The following FAM120B variants were observed in gnomAD, a reference collection of about 807,000 sequenced individuals.
FAM120B encodes the protein constitutive coactivator of peroxisome proliferator-activated receptor gamma.
Under a neutral mutation model 96.3 loss-of-function variants are expected in FAM120B, and 83 were observed. The observed-to-expected ratio is 0.86, with a 90% confidence interval of 0.72 to 1.03. FAM120B has a LOEUF of 1.03. FAM120B is among the 50% of genes least tolerant of loss of function. The pLI is 0.00. For missense variants in FAM120B, 1,027 were observed against 1,121.2 expected, an observed-to-expected ratio of 0.92 and a Z score of 1.20; for synonymous variants, 407 against 402.7, an observed-to-expected ratio of 1.01 and a Z score of -0.13.
intron 6 of FAM120B, among the ~76,000 whole-genome samples, chr6:170,385,674 G>A (rs1393196973): frequency 3.3e-5 from 5 of 152,180 alleles, no homozygotes; most frequent in African/African-American, 4.8e-5. Flanking sequence ...ACCACAACCT[G>A]TACATAGAAG....
chr6:170,324,062 A>G (rs148985106), intron 3 of FAM120B, among the ~76,000 whole-genome samples: 2 of 152,194 alleles, frequency 1.3e-5, no homozygotes, highest in Non-Finnish European at 2.9e-5. Context: ...GATAAGAGAG[A>G]GAAGGAGTAG....
intron 3 of FAM120B, among the ~76,000 whole-genome samples, chr6:170,325,791 A>G (rs1785551211): frequency 6.6e-6 from 1 of 151,698 alleles, no homozygotes; most frequent in Non-Finnish European, 1.5e-5. Flanking sequence ...CAGTGAGCCA[A>G]GGTCACACCA....
chr6:170,322,282 A>G (rs1408848445), intron 2 of FAM120B, among the ~76,000 whole-genome samples: 1 of 152,242 alleles, frequency 6.6e-6, no homozygotes, highest in Non-Finnish European at 1.5e-5. Flanking sequence ...TAAGCAGCTT[A>G]CAGTTTAATA....
At chr6:170,324,520 T>C (rs994613110) in intron 3 of FAM120B, among the ~76,000 whole-genome samples, 7 of 152,178 alleles carry the variant, frequency 4.6e-5, no homozygotes, top group African/African-American at 7.2e-5. Context: ...ACTCTAATGA[T>C]GGAAAAAAGA....
At position 170,318,024 on chromosome 6, in the gene FAM120B, T is replaced by C; in HGVS notation, c.634T>C (p.Cys212Arg). Residue 212 changes from cysteine to arginine, a missense_variant, in exon 2 of 11, where the codon TGT becomes CGT. By Grantham distance (180) the Cys-to-Arg change is radical. This residue lies in a region of FAM120B where 880 missense variants were observed against 980.9 expected (regional missense o/e 0.90). Coordinates refer to ENST00000476287, the MANE Select transcript of FAM120B (RefSeq NM_032448.3). ...DTVMLCREKL[C>R]ESLGLCVADL... ...CGTCATGCTCTGCAGAGAGAAGCTC[T>C]GTGAGAGTCTGGGCCTCTGTGTGGC... The C allele has an allele frequency of 6.2e-7, 1 of 1,614,078 alleles. No individual in the cohort carries two copies. Among genetic ancestry groups the C allele is most frequent in the Non-Finnish European group, 8.5e-7 (1 of 1,179,956 alleles).
intron 6 of FAM120B, among the ~76,000 whole-genome samples, chr6:170,379,067 TGGAAC>T (rs1339368197): frequency 2.6e-5 from 4 of 152,112 alleles, no homozygotes; most frequent in Admixed American, 6.5e-5. Flanking sequence ...GCTCAAGACA[TGGAAC>T]GAAGGAATGA....
chr6:170,336,314 C>T (rs1301247903), intron 4 of FAM120B, among the ~76,000 whole-genome samples: 1 of 152,102 alleles, frequency 6.6e-6, no homozygotes, highest in Non-Finnish European at 1.5e-5. Flanking sequence ...AATCTTTTCC[C>T]TGTTGCTTGT....
intron 4 of FAM120B, among the ~76,000 whole-genome samples, chr6:170,336,259 T>C (rs1030902741): frequency 1.3e-5 from 2 of 152,234 alleles, no homozygotes; most frequent in Non-Finnish European, 2.9e-5. Context: ...TTCTGTTTTC[T>C]GCTTATGGCT....
chr6:170,356,850 A>G (rs768087819), intron 5 of FAM120B, among the ~76,000 whole-genome samples: 2 of 152,194 alleles, frequency 1.3e-5, no homozygotes, highest in South Asian at 4.1e-4. Flanking sequence ...TCCTCTGGAA[A>G]GGTAAGTTTA....
chr6:170,295,448 AAGG>A lies in FAM120B; in HGVS notation c.47_48+1del, dbSNP rs1783974818. On this transcript the variant is annotated inframe_deletion and splice_region_variant, in exon 1 of 11. Transcript: ENST00000537664. This position sits in a 1 kb window ranked among gnomAD's most constrained non-coding sequence, Gnocchi z 7.8. Reference sequence around the variant, plus strand: ...CTCCACCAGCGCTGGCGCAGGCAGGAAGGAGGTGAGCGCCGCCCGCGTGCACAC... The same window carrying A: ...CTCCACCAGCGCTGGCGCAGGCAGGAAGGTGAGCGCCGCCCGCGTGCACAC... 1.4e-6 allele frequency: 1 copy of A among 701,562 alleles called. No homozygotes were observed. The highest frequency in any genetic ancestry group is 2.6e-6 in the Non-Finnish European group (1 of 384,498). 43.5% of individuals were successfully genotyped at this position (701,562 alleles called of 1,614,324 possible).
At position 170,348,332 on chromosome 6, in the gene FAM120B, C is replaced by T. The variant is rs1282900506; in HGVS notation, c.2190+9C>T. On this transcript the variant is annotated intron_variant, in intron 5 of 10. Coordinates refer to ENST00000476287, the MANE Select transcript of FAM120B (RefSeq NM_032448.3). ...TCTACCTCTTTGTCCAGGTAATGTC[C>T]AGCTGCCCGTTCTAGTCACTGCAGC... 6.2e-7 allele frequency: 1 copy of T among 1,611,700 alleles called. No individual in the cohort carries two copies. The highest frequency in any genetic ancestry group is 1.1e-5 in the South Asian group (1 of 90,966).
At chr6:170,340,568 G>T (rs1786752678) in intron 4 of FAM120B, among the ~76,000 whole-genome samples, 1 of 152,164 alleles carries the variant, frequency 6.6e-6, no homozygotes, top group South Asian at 2.1e-4. Context: ...TAGAGAAGAG[G>T]CATTCTGGTT....
upstream of FAM120B, among the ~76,000 whole-genome samples, chr6:170,305,726 G>C (rs1382035392): frequency 6.6e-6 from 1 of 152,172 alleles, no homozygotes; most frequent in South Asian, 2.1e-4. Flanking sequence ...TTTCAAGGTC[G>C]TCACTCACAC....
chr6:170,361,182 C>CTATATATATATATATA (rs564683415), intron 6 of FAM120B, among the ~76,000 whole-genome samples: 3 of 75,520 alleles, frequency 4.0e-5, no homozygotes, highest in Admixed American at 1.7e-4. Flanking sequence ...AGCCTTAAAA[C>CTATATATATATATATA]TATATATATA....
intron 9 of FAM120B, among the ~76,000 whole-genome samples, chr6:170,398,446 C>G (rs963284555): frequency 2.7e-4 from 41 of 150,824 alleles, no homozygotes; most frequent in Admixed American, 5.2e-4. Context: ...AAAGGTAGAA[C>G]TATGTCATAA....
chr6:170,390,021 A>G (rs1394763342), intron 7 of FAM120B, among the ~76,000 whole-genome samples: 1 of 152,254 alleles, frequency 6.6e-6, no homozygotes, highest in Non-Finnish European at 1.5e-5. Flanking sequence ...CTTAATAAAT[A>G]CAATCGCTAC....
At chr6:170,349,543 C>T (rs187732397) in intron 5 of FAM120B, among the ~76,000 whole-genome samples, 27 of 152,286 alleles carry the variant, frequency 1.8e-4, no homozygotes, top group Non-Finnish European at 2.8e-4. Context: ...TTAAGTAGTG[C>T]TTAGAGGATT....
chr6:170,400,855 C>G (rs1008036481), intron 9 of FAM120B, among the ~76,000 whole-genome samples: 1 of 152,180 alleles, frequency 6.6e-6, no homozygotes, highest in Non-Finnish European at 1.5e-5. Flanking sequence ...GCAGAGCCAT[C>G]TGCTTCTCCC....
chr6:170,294,036 C>G (rs1276969308), upstream of FAM120B, among the ~76,000 whole-genome samples: 1 of 152,172 alleles, frequency 6.6e-6, no homozygotes, highest in Non-Finnish European at 1.5e-5. This position sits in a 1 kb window ranked among gnomAD's most constrained non-coding sequence, Gnocchi z 7.9. Flanking sequence ...AGCCCCCTAG[C>G]CAGCCATCTG....
Sources: allele counts gnomAD v4.1 joint callset (sites outside exome capture counted in the v4.1 genomes callset), GRCh38; gene constraint gnomAD v4.1.1; regional missense constraint gnomAD v4.1.1; non-coding constraint Gnocchi (gnomAD v3.1); transcripts MANE v1.5; gene names NCBI Gene and HGNC (gene_info 2026-07-23, HGNC 2026-07-21).